Variants in FRAS1 observed in about 807,000 individuals in gnomAD.
FRAS1 encodes the protein Fraser extracellular matrix complex subunit 1.
Under a neutral mutation model 435.2 loss-of-function variants are expected in FRAS1, and 290 were observed. The observed-to-expected ratio is 0.67, with a 90% CI of 0.61 to 0.73. The LOEUF (loss-of-function observed/expected upper bound fraction) is 0.73, where lower values mean the gene tolerates loss of function less well. FRAS1 is among the 30% of genes least tolerant of loss of function. The pLI is 0.00. For missense variants in FRAS1, 4,860 were observed against 5,001.5 expected (o/e 0.97, Z 0.85); for synonymous variants, 1,800 against 1,851.0 (o/e 0.97, Z 0.71).
At chr4:78,191,562 T>C (rs995128124) in intron 2 of FRAS1, among the ~76,000 whole-genome samples, 8 of 151,930 alleles carry the variant, frequency 5.3e-5, no homozygotes, top group African/African-American at 1.7e-4. Flanking sequence ...TTATTATACT[T>C]TAAGTTTTAG....
intron 13 of FRAS1, 99 bp downstream of exon 13, chr4:78,284,647 G>C: frequency 8.8e-7 from 1 of 1,130,356 alleles, no homozygotes; most frequent in Admixed American, 2.6e-5. Context: ...TGTCAAGGAG[G>C]GGGTCATGCA....
At chr4:78,210,277 G>A (rs1227778664) in intron 2 of FRAS1, among the ~76,000 whole-genome samples, 1 of 152,202 alleles carries the variant, frequency 6.6e-6, no homozygotes, top group Non-Finnish European at 1.5e-5. Context: ...AAGCTGGGCT[G>A]AAGGCCCTGG....
At chr4:78,481,457 A>G (rs755084809) in intron 56 of FRAS1, among the ~76,000 whole-genome samples, 6 of 152,146 alleles carry the variant, frequency 3.9e-5, no homozygotes, top group Non-Finnish European at 8.8e-5. Context: ...AATAGGCTTG[A>G]GATGTTTTGC....
chr4:78,363,459 G>A, intron 20 of FRAS1, 54 bp from the exon 21 acceptor site: 2 of 1,546,336 alleles, frequency 1.3e-6, no homozygotes, highest in East Asian at 2.3e-5. Flanking sequence ...GCAGTGATGA[G>A]ACTTTGTGCT....
chr4:78,456,741 C>G (rs954074919), intron 47 of FRAS1, among the ~76,000 whole-genome samples: 6 of 152,150 alleles, frequency 3.9e-5, no homozygotes, highest in Admixed American at 1.3e-4. Context: ...ATGCTATTAA[C>G]AAATGTCCAG....
At chr4:78,218,133 C>CA (rs1553931246) in intron 2 of FRAS1, among the ~76,000 whole-genome samples, 1 of 133,594 alleles carries the variant, frequency 7.5e-6, no homozygotes, top group South Asian at 2.7e-4. Context: ...CACACACACA[C>CA]AAGTTGTATT....
intron 43 of FRAS1, among the ~76,000 whole-genome samples, chr4:78,447,303 A>AAAAAAC: frequency 6.8e-6 from 1 of 147,636 alleles, no homozygotes. Flanking sequence ...AAAAAAAAAA[A>AAAAAAC]ACACTTTTCC....
intron 58 of FRAS1, among the ~76,000 whole-genome samples, chr4:78,488,479 G>A (rs775892549): frequency 4.6e-5 from 7 of 152,116 alleles, no homozygotes; most frequent in Non-Finnish European, 8.8e-5. Context: ...TTTCCTTACT[G>A]TAGCCCTAGG....
chr4:78,117,497 A>G (rs1560531723), intron 2 of FRAS1, among the ~76,000 whole-genome samples: 1 of 152,140 alleles, frequency 6.6e-6, no homozygotes, highest in African/African-American at 2.4e-5. Context: ...GTTTTTTCAC[A>G]TAGTCCCTTA....
At chr4:78,343,671 C>T (rs1281543620) in intron 20 of FRAS1, among the ~76,000 whole-genome samples, 1 of 152,136 alleles carries the variant, frequency 6.6e-6, no homozygotes, top group Non-Finnish European at 1.5e-5. Flanking sequence ...TAAAATTGCT[C>T]AAATTTAAAG....
chr4:78,344,829 A>G (rs1420816775), intron 20 of FRAS1, among the ~76,000 whole-genome samples: 3 of 152,346 alleles, frequency 2.0e-5, no homozygotes, highest in Non-Finnish European at 4.4e-5. Context: ...GTTAATGCAT[A>G]CTACATTTTA....
chr4:78,076,902 A>T (rs1740663885), intron 2 of FRAS1, among the ~76,000 whole-genome samples: 1 of 152,234 alleles, frequency 6.6e-6, no homozygotes. Flanking sequence ...TATGATTAGG[A>T]TGAAAAATTC....
At chr4:78,308,908 T>G (rs537064111) in intron 15 of FRAS1, among the ~76,000 whole-genome samples, 3 of 152,306 alleles carry the variant, frequency 2.0e-5, no homozygotes, top group African/African-American at 4.8e-5. Flanking sequence ...GATGCCCTTG[T>G]CCTAATCCGT....
At chr4:78,276,972 G>C (rs1727076045) in intron 9 of FRAS1, among the ~76,000 whole-genome samples, 1 of 152,152 alleles carries the variant, frequency 6.6e-6, no homozygotes, top group Non-Finnish European at 1.5e-5. Flanking sequence ...CCCAGTTCGA[G>C]CTTCCCAGCC....
chr4:78,257,865 C>CT (rs1725862002), intron 6 of FRAS1, among the ~76,000 whole-genome samples: 1 of 152,174 alleles, frequency 6.6e-6, no homozygotes, highest in Admixed American at 6.5e-5. Flanking sequence ...CTGCTTTCAA[C>CT]TTTTGTCCAG....
chr4:78,133,998 C>T (rs1367399610), intron 2 of FRAS1, among the ~76,000 whole-genome samples: 2 of 142,436 alleles, frequency 1.4e-5, no homozygotes, highest in African/African-American at 2.7e-5. Flanking sequence ...CTCGCACTGT[C>T]GCCCAGGCTG....
At chr4:78,084,116 T>A (rs1331149244) in intron 2 of FRAS1, among the ~76,000 whole-genome samples, 1 of 152,104 alleles carries the variant, frequency 6.6e-6, no homozygotes, top group East Asian at 1.9e-4. Context: ...TTACAGAAGT[T>A]CCTCCTTATT....
At chr4:78,527,357 G>C (rs926566160) in intron 70 of FRAS1, among the ~76,000 whole-genome samples, 2 of 148,880 alleles carry the variant, frequency 1.3e-5, no homozygotes, top group East Asian at 3.9e-4. Flanking sequence ...TATTTATTCA[G>C]CTCTTCTCAT....
At chr4:78,420,204 A>G (rs1733717129) in intron 33 of FRAS1, among the ~76,000 whole-genome samples, 1 of 152,248 alleles carries the variant, frequency 6.6e-6, no homozygotes, top group African/African-American at 2.4e-5. Context: ...AAATTCTCAG[A>G]GAGAAAAGTC....
Sources: allele counts gnomAD v4.1 joint callset (sites outside exome capture counted in the v4.1 genomes callset), GRCh38; gene constraint gnomAD v4.1.1; transcripts MANE v1.5; gene names NCBI Gene and HGNC (gene_info 2026-07-23, HGNC 2026-07-21).